The following KCNQ1 variants were observed in gnomAD, a reference collection of about 807,000 sequenced individuals.
KCNQ1 encodes potassium voltage-gated channel subfamily Q member 1, also known as potassium voltage-gated channel subfamily KQT member 1.
A neutral mutation model predicts 72.4 loss-of-function variants in KCNQ1; 49 were observed. That is an observed-to-expected ratio of 0.68 (90% CI 0.54 to 0.86). The LOEUF (loss-of-function observed/expected upper bound fraction) is 0.86, where lower values mean the gene tolerates loss of function less well. KCNQ1 is among the 40% of genes least tolerant of loss of function. The probability of loss-of-function intolerance (pLI) is 0.00; values close to 1 mark genes in which losing one functional copy is unlikely to be tolerated. For synonymous variants in KCNQ1, 450 were observed against 412.6 expected, an observed-to-expected ratio of 1.09 and a Z score of -1.10; for missense variants, 790 against 945.1, an observed-to-expected ratio of 0.84 and a Z score of 2.15.
At chr11:2,689,662 A>C (rs1273683026) in intron 11 of KCNQ1, 2 of 398,574 alleles carry the variant, frequency 5.0e-6, no homozygotes, top group African/African-American at 2.1e-5. Flanking sequence ...AAGCCTCCTG[A>C]GAGGGCCAGG....
Position 2,526,952 on chromosome 11 carries a change from C to T in KCNQ1, c.387-976C>T, listed in dbSNP as rs932948675. 2.6e-5 allele frequency among the ~76,000 whole-genome samples: 4 copies of T among 152,252 alleles called. No individual in the cohort carries two copies. Among genetic ancestry groups the T allele is most frequent in the Admixed American group, 1.3e-4 (2 of 15,310 alleles). ...TGGGGGCCATGTGGCCATCTCCTGG[C>T]TCTCCGGTCGCTGAGGATCCACGGG... On this transcript the variant is annotated intron_variant, in intron 1 of 15. Transcript: ENST00000155840. The surrounding 1 kb of genome is among the most constrained non-coding windows in gnomAD (Gnocchi z 6.1).
rs145608106 is a variant in KCNQ1 at position 2,721,802 on chromosome 11, C to T, written c.1515-47042C>T. ...CCTGGCTGGAGGCTGACCGAGCCTC[C>T]GAGGAGGTTCACCTGGAGCTGTCTG... On this transcript the variant is annotated intron_variant, in intron 11 of 15. Transcript: ENST00000155840. Among the ~76,000 whole-genome samples, 1,221 of 152,342 alleles carry T rather than the reference C, an allele frequency of 8.0e-3. 11 individuals are homozygous for T. Among genetic ancestry groups the T allele is most frequent in the Middle Eastern group, 0.024 (7 of 294 alleles).
intron 10 of KCNQ1, chr11:2,609,447 C>A (rs970849104): frequency 7.5e-6 from 3 of 398,238 alleles, no homozygotes; most frequent in South Asian, 1.3e-4. Context: ...AGCATATGGT[C>A]CTTCTTGGAG....
At chr11:2,672,350 G>C (rs1207918712) in intron 11 of KCNQ1, 1 of 398,582 alleles carries the variant, frequency 2.5e-6, no homozygotes, top group Non-Finnish European at 4.4e-6. Context: ...GAAGCAGTGT[G>C]GTGGGGCAGC....
chr11:2,571,494 G>C, intron 4 of KCNQ1, 91 bp downstream of exon 4: 2 of 1,054,606 alleles, frequency 1.9e-6, no homozygotes, highest in South Asian at 1.3e-5. Context: ...CATCCACCTT[G>C]CTCAGATGCA....
chr11:2,467,455 G>A (rs897048980), intron 1 of KCNQ1, among the ~76,000 whole-genome samples: 1 of 152,182 alleles, frequency 6.6e-6, no homozygotes, highest in Non-Finnish European at 1.5e-5. Flanking sequence ...CAGAGGATAT[G>A]GTGTGGCCGG....
In KCNQ1 at chr11:2,564,886, G is replaced by A. The variant is rs535267045; in HGVS notation, c.478-5742G>A. Among the ~76,000 whole-genome samples the A allele has an allele frequency of 1.3e-5, 2 of 152,302 alleles. No individual in the cohort carries two copies. Among genetic ancestry groups the A allele is most frequent in the Admixed American group, 6.5e-5 (1 of 15,288 alleles). On this transcript the variant is annotated intron_variant, in intron 2 of 15. Coordinates refer to ENST00000155840, the MANE Select transcript of KCNQ1 (RefSeq NM_000218.3). The surrounding 1 kb of genome is among the most constrained non-coding windows in gnomAD (Gnocchi z 4.5). ...TTTCACTGAGAGTAATGTCTTCAAG[G>A]TTCCTCCATGTTGCAGCCTGTGTGA...
intron 15 of KCNQ1, among the ~76,000 whole-genome samples, chr11:2,837,189 C>G (rs2134077177): frequency 6.6e-6 from 1 of 152,306 alleles, no homozygotes; most frequent in Non-Finnish European, 1.5e-5. Flanking sequence ...CTTGAGCCAG[C>G]AGGGACAGCC....
intron 2 of KCNQ1, among the ~76,000 whole-genome samples, chr11:2,561,894 G>A (rs1336590734): frequency 6.6e-6 from 1 of 152,080 alleles, no homozygotes; most frequent in Non-Finnish European, 1.5e-5. Flanking sequence ...GGGACACAGA[G>A]GGCCCCACTC....
Position 2,809,920 on chromosome 11 carries a change from A to T in KCNQ1, c.1794+31883A>T, listed in dbSNP as rs1847453873. On this transcript the variant is annotated intron_variant, in intron 15 of 15. Transcript: ENST00000155840. The surrounding 1 kb of genome is among the most constrained non-coding windows in gnomAD (Gnocchi z 7.1). ...TGGTACTCAGACCTGCTTAATGCTC[A>T]TTTCTTCAGTTTTCTGGGGAAGCCT... Among the ~76,000 whole-genome samples the T allele has an allele frequency of 6.6e-6, 1 of 151,878 alleles. No individual in the cohort carries two copies. The highest frequency in any genetic ancestry group is 2.1e-4 in the South Asian group (1 of 4,808).
chr11:2,513,357 G>A (rs953750617), intron 1 of KCNQ1, among the ~76,000 whole-genome samples: 1 of 152,180 alleles, frequency 6.6e-6, no homozygotes, highest in Non-Finnish European at 1.5e-5. Flanking sequence ...GGGACCCATG[G>A]GACTTGAGGG....
rs890729523 is a variant in KCNQ1, at chr11:2,686,960, C to T, written c.1514+24879C>T. 25 of 398,552 alleles carry T rather than the reference C, an allele frequency of 6.3e-5. No individual in the cohort carries two copies. In the East Asian group the frequency reaches 8.2e-4, roughly 13 times the overall value. 24.7% of individuals were successfully genotyped at this position (398,552 alleles called of 1,614,324 possible). A position where few individuals can be genotyped will look rare whatever the true frequency, so the allele number is the denominator to read the frequency against. On this transcript the variant is annotated intron_variant, in intron 11 of 15. Transcript: ENST00000155840. Reference sequence around the variant, plus strand: ...TGCGGAGCATGCCCAGCTTACCATCCTGATGCAGAGGCAAGGACAACACTG... The same window carrying T: ...TGCGGAGCATGCCCAGCTTACCATCTTGATGCAGAGGCAAGGACAACACTG...
In KCNQ1 at chr11:2,538,479, C is replaced by T. The variant is rs138046095; in HGVS notation, c.477+10461C>T. On this transcript the variant is annotated intron_variant, in intron 2 of 15. Coordinates refer to ENST00000155840, the MANE Select transcript of KCNQ1 (RefSeq NM_000218.3). This position sits in a 1 kb window ranked among gnomAD's most constrained non-coding sequence, Gnocchi z 6.7. The stretch of plus-strand genomic sequence containing the variant: ...CCAGCCAGGTCCCCTGTCCCAGGAC[C>T]GCGGTTGACAGGGTTTGGATTGGCT... 2.9e-3 allele frequency among the ~76,000 whole-genome samples: 445 copies of T among 152,296 alleles called. 1 individual carries two copies. Among genetic ancestry groups the T allele is most frequent in the African/African-American group, 1.0e-2 (415 of 41,564 alleles).
chr11:2,741,963 C>T (rs1163131345), intron 11 of KCNQ1, among the ~76,000 whole-genome samples: 1 of 152,268 alleles, frequency 6.6e-6, no homozygotes, highest in Non-Finnish European at 1.5e-5. Context: ...CCCCCTGCCC[C>T]AGGGCGGGCT....
At chr11:2,625,701 C>G (rs954959920) in intron 10 of KCNQ1, 2 of 397,298 alleles carry the variant, frequency 5.0e-6, no homozygotes, top group Non-Finnish European at 8.8e-6. Context: ...TCCCGAGTAG[C>G]TGGGACTACA....
Position 2,478,276 on chromosome 11 carries a change from G to T in KCNQ1, c.386+32792G>T, listed in dbSNP as rs957594098. On this transcript the variant is annotated intron_variant, in intron 1 of 15. Transcript: ENST00000155840. This position sits in a 1 kb window ranked among gnomAD's most constrained non-coding sequence, Gnocchi z 4.0. ...ATAAAGTACCGTTCAGGGTGAAGGG[G>T]AAGGAAGAAATGTGATGCCTAAGTG... Among the ~76,000 whole-genome samples the T allele has an allele frequency of 6.6e-6, 1 of 152,200 alleles. No individual in the cohort carries two copies. The highest frequency in any genetic ancestry group is 1.5e-5 in the Non-Finnish European group (1 of 68,036).
chr11:2,589,497 C>T (rs573493777), intron 10 of KCNQ1, among the ~76,000 whole-genome samples: 2 of 152,326 alleles, frequency 1.3e-5, no homozygotes, highest in South Asian at 2.1e-4. Context: ...GTTTTACCCA[C>T]GCTAACTCGT....
At position 2,460,165 on chromosome 11, in the gene KCNQ1, C is replaced by G. The variant is rs571888068; in HGVS notation, c.386+14681C>G. On this transcript the variant is annotated intron_variant, in intron 1 of 15. Transcript: ENST00000155840. ...CGGAGATGCAACAGGGCCCAGACCC[C>G]TACCAGCCTGTGGCCCAGCTGGGGG... 2.7e-3 allele frequency among the ~76,000 whole-genome samples: 411 copies of G among 152,298 alleles called. 3 individuals carry two copies. The highest frequency in any genetic ancestry group is 4.2e-3 in the Non-Finnish European group (286 of 68,012).
At chr11:2,637,178 TC>T (rs746828418) in intron 10 of KCNQ1, 3 of 152,180 alleles carry the variant, frequency 2.0e-5, no homozygotes, top group Non-Finnish European at 4.4e-5. Context: ...TGTCTCTATC[TC>T]CTTCAATTCT....
Sources: allele counts gnomAD v4.1 joint callset (sites outside exome capture counted in the v4.1 genomes callset), GRCh38; gene constraint gnomAD v4.1.1; non-coding constraint Gnocchi (gnomAD v3.1); transcripts MANE v1.5; gene names NCBI Gene and HGNC (gene_info 2026-07-23, HGNC 2026-07-21).